Variants in SUGCT observed in about 807,000 individuals in gnomAD.
The protein encoded by SUGCT is succinyl-CoA:glutarate CoA-transferase.
Under a neutral mutation model 55.0 loss-of-function variants are expected in SUGCT, and 41 were observed. The observed-to-expected ratio is 0.74, with a 90% CI of 0.58 to 0.97. The LOEUF is 0.97. Ranked by LOEUF, SUGCT falls within the 50% of genes least tolerant of loss-of-function variation. The pLI, the probability that SUGCT is intolerant of heterozygous loss-of-function variation, is 0.00. For synonymous variants in SUGCT, 187 were observed against 200.4 expected, an observed-to-expected ratio of 0.93 and a Z score of 0.56; for missense variants, 568 against 547.8, an observed-to-expected ratio of 1.04 and a Z score of -0.37.
At chr7:40,448,924 ATGTGTGTGTGTG>A (rs778913706) in intron 9 of SUGCT, among the ~76,000 whole-genome samples, 1 of 145,112 alleles carries the variant, frequency 6.9e-6, no homozygotes, top group Non-Finnish European at 1.5e-5. Flanking sequence ...GTGTGTATAT[ATGTGTGTGTGTG>A]TGTGTGTGTG....
intron 13 of SUGCT, among the ~76,000 whole-genome samples, chr7:40,821,769 G>A (rs933727269): frequency 5.9e-5 from 9 of 152,182 alleles, no homozygotes; most frequent in African/African-American, 2.2e-4. Flanking sequence ...ATCTCCTTCA[G>A]TTCTGCTCTG....
chr7:40,181,964 GGGACCTTTTGCTACTATGAATTTA>G lies in SUGCT; in HGVS notation c.166_189del (p.Pro56_Gly63del), dbSNP rs1785237624. On this transcript the variant is annotated inframe_deletion, in exon 3 of 14. Transcript: ENST00000335693. ...ATTTTTAACATTGTAGAGTCCTGGC[GGGACCTTTTGCTACTATGAATTTA>G]GGAGATCTTGGAGCAGAAGTTATAA... The G allele has an allele frequency of 6.3e-7, 1 of 1,590,066 alleles. No individual in the cohort carries two copies. The highest frequency in any genetic ancestry group is 8.6e-7 in the Non-Finnish European group (1 of 1,164,196).
chr7:40,663,425 C>T (rs1249351003), intron 12 of SUGCT, among the ~76,000 whole-genome samples: 4 of 151,730 alleles, frequency 2.6e-5, no homozygotes, highest in Non-Finnish European at 5.9e-5. Context: ...CCATCTCTGT[C>T]CCTGTCTCTG....
the SUGCT span, among the ~76,000 whole-genome samples, chr7:40,924,574 C>A: frequency 6.6e-6 from 1 of 152,092 alleles, no homozygotes; most frequent in South Asian, 2.1e-4. Context: ...ATATTAGACC[C>A]TACAGGAAGA....
At chr7:40,298,765 A>T (rs1455037277) in intron 8 of SUGCT, among the ~76,000 whole-genome samples, 2 of 151,934 alleles carry the variant, frequency 1.3e-5, no homozygotes, top group African/African-American at 2.4e-5. Context: ...CAGGTTTTCA[A>T]GAGTTCCGTC....
chr7:40,643,079 A>T (rs978389427), intron 12 of SUGCT, among the ~76,000 whole-genome samples: 3 of 152,196 alleles, frequency 2.0e-5, no homozygotes, highest in African/African-American at 7.2e-5. Context: ...CTTTGCAAAG[A>T]TCTGTATTAC....
intron 9 of SUGCT, among the ~76,000 whole-genome samples, chr7:40,338,473 C>A (rs922272244): frequency 1.3e-5 from 2 of 152,122 alleles, no homozygotes; most frequent in African/African-American, 4.8e-5. Flanking sequence ...CTCTAAACTT[C>A]TCTTCTCACT....
At chr7:40,179,701 C>T (rs763387188) in intron 1 of SUGCT, among the ~76,000 whole-genome samples, 6 of 152,216 alleles carry the variant, frequency 3.9e-5, no homozygotes, top group Admixed American at 2.0e-4. Flanking sequence ...GGGCCTCAGC[C>T]GGGACTGCTG....
At chr7:40,311,238 G>T (rs1795130473) in intron 8 of SUGCT, among the ~76,000 whole-genome samples, 1 of 152,144 alleles carries the variant, frequency 6.6e-6, no homozygotes, top group African/African-American at 2.4e-5. Context: ...TTAAACTCAT[G>T]ATTTTTCCAT....
chr7:40,205,512 A>G (rs1232382039), intron 6 of SUGCT, among the ~76,000 whole-genome samples: 2 of 151,426 alleles, frequency 1.3e-5, no homozygotes, highest in Non-Finnish European at 2.9e-5. Context: ...ATGGTGGTGC[A>G]TGCCTGTAAT....
intron 9 of SUGCT, among the ~76,000 whole-genome samples, chr7:40,406,771 T>C (rs192668266): frequency 6.6e-6 from 1 of 152,222 alleles, no homozygotes; most frequent in Non-Finnish European, 1.5e-5. Flanking sequence ...TGTCCTAGAC[T>C]TTTGAGAAGT....
chr7:40,652,054 C>T (rs1268286018), intron 12 of SUGCT, among the ~76,000 whole-genome samples: 2 of 151,980 alleles, frequency 1.3e-5, no homozygotes, highest in Non-Finnish European at 2.9e-5. Context: ...GAAATTTCTA[C>T]TCAGTCCTGA....
At chr7:40,178,803 A>G (rs553963853) in intron 1 of SUGCT, among the ~76,000 whole-genome samples, 1 of 152,198 alleles carries the variant, frequency 6.6e-6, no homozygotes, top group East Asian at 1.9e-4. Context: ...AGTTCTAGGC[A>G]ATTTTTTCTG....
chr7:40,933,421 T>G, the SUGCT span, among the ~76,000 whole-genome samples: 1 of 152,216 alleles, frequency 6.6e-6, no homozygotes, highest in Non-Finnish European at 1.5e-5. Flanking sequence ...TTGGGGTTGC[T>G]CTTCTCAAGG....
the SUGCT span, among the ~76,000 whole-genome samples, chr7:40,883,758 T>G: frequency 6.6e-6 from 1 of 152,196 alleles, no homozygotes; most frequent in Non-Finnish European, 1.5e-5. Flanking sequence ...ATGCTTAACT[T>G]CCCATGTGTT....
intron 8 of SUGCT, among the ~76,000 whole-genome samples, chr7:40,291,344 T>C (rs1793741105): frequency 6.6e-6 from 1 of 151,358 alleles, no homozygotes; most frequent in South Asian, 2.1e-4. Flanking sequence ...GATGAGTTCA[T>C]GTCCTTTGCA....
intron 12 of SUGCT, among the ~76,000 whole-genome samples, chr7:40,687,194 AT>A (rs1472005703): frequency 5.3e-5 from 8 of 152,048 alleles, no homozygotes; most frequent in Admixed American, 2.6e-4. Context: ...CTCTACTGTC[AT>A]TTTGGTGGAG....
At chr7:40,947,502 T>C in the SUGCT span, among the ~76,000 whole-genome samples, 4 of 145,046 alleles carry the variant, frequency 2.8e-5, no homozygotes, top group Non-Finnish European at 6.0e-5. Context: ...CTTTCTCTCT[T>C]TTTTTTTTTG....
At chr7:41,010,756 AT>A in the SUGCT span, among the ~76,000 whole-genome samples, 1 of 152,222 alleles carries the variant, frequency 6.6e-6, no homozygotes, top group Non-Finnish European at 1.5e-5. Flanking sequence ...GTAATCACCC[AT>A]TTTGGACCCA....
Sources: gnomAD v4.1 joint callset for allele counts (sites outside exome capture counted in the v4.1 genomes callset) on GRCh38, gnomAD v4.1.1 for gene constraint, MANE v1.5 for transcripts, NCBI Gene and HGNC (gene_info 2026-07-23, HGNC 2026-07-21) for gene names.